The following CSRNP3 variants were observed in gnomAD, a reference collection of about 807,000 sequenced individuals.
CSRNP3 encodes the protein cysteine and serine rich nuclear protein 3, also known as cysteine/serine-rich nuclear protein 3.
Under a neutral mutation model 48.0 loss-of-function variants are expected in CSRNP3, and 12 were observed. The observed-to-expected ratio is 0.25, with a 90% CI of 0.16 to 0.41. CSRNP3 has a LOEUF of 0.41. Among genes scored for constraint, CSRNP3 ranks in the 10% least tolerant of loss-of-function variants. The pLI, the probability that CSRNP3 is intolerant of heterozygous loss-of-function variation, is 1.00. For missense variants in CSRNP3, 580 were observed against 724.4 expected (o/e 0.80, Z 2.29); for synonymous variants, 263 against 269.7 (o/e 0.98, Z 0.24).
At chr2:165,661,643 T>C (rs1687097991) in intron 5 of CSRNP3, among the ~76,000 whole-genome samples, 1 of 152,142 alleles carries the variant, frequency 6.6e-6, no homozygotes, top group African/African-American at 2.4e-5. Context: ...GCTAAATTGA[T>C]TTCATTATTT....
In CSRNP3 at chr2:165,684,294, T is replaced by C. The variant is rs1399217997; in HGVS notation, c.*4541T>C. 1 of 152,094 alleles carries C rather than the reference T, an allele frequency of 6.6e-6. No individual in the cohort carries two copies. Among genetic ancestry groups the C allele is most frequent in the Non-Finnish European group, 1.5e-5 (1 of 67,958 alleles). The allele number at this position is 152,094 out of a possible 1,614,324, so 9.4% of individuals were successfully genotyped here. On this transcript the variant is annotated 3_prime_UTR_variant, in exon 7 of 7. Transcript: ENST00000651982. ...AAATTAGCAGGTGGAAAATTTATAT[T>C]CTCAGAAGCCAACAGGAGACTGCCT...
At position 165,689,237 on chromosome 2, in the gene CSRNP3, T is replaced by C. The variant is rs1484983409; in HGVS notation, c.*9484T>C. On this transcript the variant is annotated 3_prime_UTR_variant, in exon 7 of 7. Transcript: ENST00000651982. ...ATGACATGGAAATTCGTGTATTTAT[T>C]GTGGCTTTTTATTGCAGTGTGTATA... 6.6e-6 allele frequency: 1 copy of C among 152,174 alleles called. No homozygotes were observed. The highest frequency in any genetic ancestry group is 1.5e-5 in the Non-Finnish European group (1 of 68,034). The allele number at this position is 152,174 out of a possible 1,614,324, so 9.4% of individuals were successfully genotyped here.
chr2:165,611,548 C>T (rs1034945160), intron 4 of CSRNP3, among the ~76,000 whole-genome samples: 33 of 152,022 alleles, frequency 2.2e-4, no homozygotes, highest in Non-Finnish European at 4.4e-5. Flanking sequence ...TCATTTCAAC[C>T]TCATGATAAG....
rs147303170 is a variant in CSRNP3, at chr2:165,470,693, AC to A, written c.-283+954del. 2.0e-3 allele frequency among the ~76,000 whole-genome samples: 304 copies of A among 152,100 alleles called. 5 individuals carry two copies. In the East Asian group the frequency reaches 0.039, roughly 19 times the overall value. On this transcript the variant is annotated intron_variant, in intron 1 of 6. Transcript: ENST00000651982. ...AATAAATAACACACTTGCAGTAAAA[AC>A]ATACAAAAAAACTGAACTCCCAGTC...
At chr2:165,641,765 T>A (rs1686724826) in intron 4 of CSRNP3, among the ~76,000 whole-genome samples, 1 of 152,182 alleles carries the variant, frequency 6.6e-6, no homozygotes, top group African/African-American at 2.4e-5. Flanking sequence ...AATTTTAGTT[T>A]GCTCCAAATG....
intron 2 of CSRNP3, among the ~76,000 whole-genome samples, chr2:165,511,234 T>C (rs747950295): frequency 3.9e-5 from 6 of 152,160 alleles, no homozygotes; most frequent in Admixed American, 3.3e-4. Flanking sequence ...CAATGTAGAA[T>C]TGCAGCTGAG....
chr2:165,656,934 C>G (rs76582379), intron 4 of CSRNP3, among the ~76,000 whole-genome samples: 2 of 152,060 alleles, frequency 1.3e-5, no homozygotes, highest in African/African-American at 4.8e-5. Flanking sequence ...TATAGTTGTC[C>G]CTGGTTATCT....
At chr2:165,525,691 G>A (rs556267787) in intron 3 of CSRNP3, among the ~76,000 whole-genome samples, 11 of 151,770 alleles carry the variant, frequency 7.2e-5, no homozygotes, top group Non-Finnish European at 1.6e-4. Context: ...TCATCATCTC[G>A]GCAAGGCTGG....
chr2:165,614,824 G>A (rs752910365), intron 4 of CSRNP3, among the ~76,000 whole-genome samples: 5 of 152,008 alleles, frequency 3.3e-5, no homozygotes, highest in Non-Finnish European at 7.4e-5. Context: ...CCTAATAAAT[G>A]GTTAGGAGCA....
At chr2:165,597,233 T>G (rs1393339615) in intron 4 of CSRNP3, among the ~76,000 whole-genome samples, 3 of 152,200 alleles carry the variant, frequency 2.0e-5, no homozygotes, top group African/African-American at 7.2e-5. Context: ...TTTCTAAATA[T>G]AAGAGTAAAA....
At chr2:165,597,565 GAGA>G (rs1016486485) in intron 4 of CSRNP3, among the ~76,000 whole-genome samples, 5 of 151,920 alleles carry the variant, frequency 3.3e-5, no homozygotes, top group African/African-American at 1.2e-4. Flanking sequence ...ACTTTGATAT[GAGA>G]AGAAGAAATA....
chr2:165,673,602 G>C (rs961684615), intron 5 of CSRNP3, among the ~76,000 whole-genome samples: 1 of 152,030 alleles, frequency 6.6e-6, no homozygotes, highest in African/African-American at 2.4e-5. Flanking sequence ...TCTTAGGCAC[G>C]AATTGGTTAT....
At chr2:165,654,387 A>T in intron 4 of CSRNP3, among the ~76,000 whole-genome samples, 1 of 152,238 alleles carries the variant, frequency 6.6e-6, no homozygotes, top group East Asian at 1.9e-4. Flanking sequence ...TACAATGAAT[A>T]TATACATAAA....
intron 5 of CSRNP3, among the ~76,000 whole-genome samples, chr2:165,667,029 AGG>A (rs1687238270): frequency 3.1e-5 from 1 of 32,664 alleles, no homozygotes; most frequent in Non-Finnish European, 1.0e-4. Flanking sequence ...AAAGAGAGAG[AGG>A]AAGAAAGAAA....
Position 165,681,815 on chromosome 2 carries a change from G to T in CSRNP3, c.*2062G>T, listed in dbSNP as rs1222632804. ...TACACATATATGTATGTGTGTGTGT[G>T]TGTGTGTGTGTGTGTATATATATAT... On this transcript the variant is annotated 3_prime_UTR_variant, in exon 7 of 7. Transcript: ENST00000651982. 7.2e-6 allele frequency: 1 copy of T among 138,340 alleles called. No homozygotes were observed. Among genetic ancestry groups the T allele is most frequent in the Non-Finnish European group, 1.6e-5 (1 of 64,292 alleles). The allele number at this position is 138,340 out of a possible 1,614,324, so 8.6% of individuals were successfully genotyped here. A position where few individuals can be genotyped will look rare whatever the true frequency, so the allele number is the denominator to read the frequency against.
chr2:165,611,468 AT>A (rs1251510691), intron 4 of CSRNP3, among the ~76,000 whole-genome samples: 3 of 152,154 alleles, frequency 2.0e-5, no homozygotes, highest in African/African-American at 7.2e-5. Flanking sequence ...AATTAAAAAA[AT>A]AAAAGAATAA....
At chr2:165,484,852 T>C (rs181109505) in intron 1 of CSRNP3, among the ~76,000 whole-genome samples, 43 of 152,316 alleles carry the variant, frequency 2.8e-4, no homozygotes, top group Admixed American at 2.5e-3. Context: ...CAGAATTAGA[T>C]TGGTGAAAAC....
At chr2:165,501,597 T>G (rs1056188975) in intron 2 of CSRNP3, among the ~76,000 whole-genome samples, 6 of 152,154 alleles carry the variant, frequency 3.9e-5, no homozygotes, top group Non-Finnish European at 7.4e-5. Flanking sequence ...TTGGCAGGCA[T>G]TGTGCTGAAT....
intron 3 of CSRNP3, among the ~76,000 whole-genome samples, chr2:165,545,230 TG>T (rs1259996516): frequency 6.6e-6 from 1 of 152,122 alleles, no homozygotes; most frequent in African/African-American, 2.4e-5. Context: ...ATTTAGAGTG[TG>T]TATAAACAAT....
Sources: gnomAD v4.1 joint callset for allele counts (sites outside exome capture counted in the v4.1 genomes callset) on GRCh38, gnomAD v4.1.1 for gene constraint, MANE v1.5 for transcripts, NCBI Gene and HGNC (gene_info 2026-07-23, HGNC 2026-07-21) for gene names.